SUGCT: variants seen among roughly 807,000 people sequenced by gnomAD.
SUGCT encodes the protein succinyl-CoA:glutarate CoA-transferase.
A neutral mutation model predicts 55.0 loss-of-function variants in SUGCT; 41 were observed. That is an observed-to-expected ratio of 0.74 (90% confidence interval 0.58 to 0.97). The LOEUF (loss-of-function observed/expected upper bound fraction) is 0.97. SUGCT is among the 50% of genes least tolerant of loss of function. The probability of loss-of-function intolerance (pLI) is 0.00; values close to 1 mark genes in which losing one functional copy is unlikely to be tolerated. For synonymous variants in SUGCT, 187 were observed against 200.4 expected, an observed-to-expected ratio of 0.93 and a Z score of 0.56; for missense variants, 568 against 547.8, an observed-to-expected ratio of 1.04 and a Z score of -0.37.
chr7:40,353,585 A>G (rs1301103697), intron 9 of SUGCT, among the ~76,000 whole-genome samples: 3 of 152,204 alleles, frequency 2.0e-5, no homozygotes, highest in Non-Finnish European at 4.4e-5. Flanking sequence ...GTGTTGAAGC[A>G]AAACTAATAC....
chr7:40,619,490 A>T (rs1312351487), intron 12 of SUGCT, among the ~76,000 whole-genome samples: 3 of 152,192 alleles, frequency 2.0e-5, no homozygotes, highest in Non-Finnish European at 4.4e-5. Flanking sequence ...AATCTAAATG[A>T]AGCAAATAAT....
At chr7:40,907,977 C>T in the SUGCT span, among the ~76,000 whole-genome samples, 7 of 150,246 alleles carry the variant, frequency 4.7e-5, no homozygotes, top group East Asian at 1.4e-3. Context: ...AAGTAATTAT[C>T]TAGTTTTTTT....
intron 12 of SUGCT, among the ~76,000 whole-genome samples, chr7:40,691,392 C>G (rs1784693942): frequency 6.6e-6 from 1 of 151,720 alleles, no homozygotes; most frequent in South Asian, 2.1e-4. Flanking sequence ...AGCCATATTT[C>G]TTACTGATCA....
At chr7:40,720,177 T>A (rs1202718339) in intron 12 of SUGCT, among the ~76,000 whole-genome samples, 3 of 152,092 alleles carry the variant, frequency 2.0e-5, no homozygotes, top group Non-Finnish European at 1.5e-5. Context: ...CTCATGTGAT[T>A]TTAGAGTCAC....
At chr7:40,300,935 C>G (rs1314387306) in intron 8 of SUGCT, among the ~76,000 whole-genome samples, 1 of 152,116 alleles carries the variant, frequency 6.6e-6, no homozygotes, top group Non-Finnish European at 1.5e-5. Flanking sequence ...CATAAAATGG[C>G]AGTTATATTT....
intron 9 of SUGCT, among the ~76,000 whole-genome samples, chr7:40,407,000 T>G (rs1786405809): frequency 6.6e-6 from 1 of 152,088 alleles, no homozygotes; most frequent in Non-Finnish European, 1.5e-5. Context: ...GAAAACAAGT[T>G]TCGAAATAAA....
At chr7:40,570,217 TG>T (rs753295205) in intron 12 of SUGCT, among the ~76,000 whole-genome samples, 1 of 152,244 alleles carries the variant, frequency 6.6e-6, no homozygotes, top group Non-Finnish European at 1.5e-5. Flanking sequence ...TGCTTGTTAG[TG>T]AGAACATACT....
At chr7:40,252,912 G>A (rs983905013) in intron 7 of SUGCT, among the ~76,000 whole-genome samples, 1 of 152,198 alleles carries the variant, frequency 6.6e-6, no homozygotes, top group African/African-American at 2.4e-5. Flanking sequence ...CTCCTAAAGT[G>A]CTGGGATTAC....
the SUGCT span, among the ~76,000 whole-genome samples, chr7:40,893,117 T>C: frequency 2.0e-5 from 3 of 152,122 alleles, no homozygotes; most frequent in East Asian, 5.8e-4. Flanking sequence ...GGTCAATTCA[T>C]CAAGAAGACA....
intron 9 of SUGCT, among the ~76,000 whole-genome samples, chr7:40,360,972 C>G (rs1798123388): frequency 6.6e-6 from 1 of 152,068 alleles, no homozygotes. Context: ...CAAACAGGTT[C>G]AAGATCTATT....
chr7:40,895,944 A>T, the SUGCT span, among the ~76,000 whole-genome samples: 1 of 152,184 alleles, frequency 6.6e-6, no homozygotes, highest in Admixed American at 6.5e-5. Flanking sequence ...TGGAATTGAG[A>T]TATAGCTGTC....
chr7:41,015,853 G>A, the SUGCT span, among the ~76,000 whole-genome samples: 8 of 152,218 alleles, frequency 5.3e-5, no homozygotes, highest in Admixed American at 5.2e-4. Context: ...CCTTCCTTCA[G>A]TGCCAAGCGT....
chr7:41,009,313 T>C, the SUGCT span, among the ~76,000 whole-genome samples: 1 of 151,820 alleles, frequency 6.6e-6, no homozygotes. Context: ...ATTCTCAAAA[T>C]GATTTTTATA....
At chr7:40,439,070 A>ATATG (rs1554338605) in intron 9 of SUGCT, among the ~76,000 whole-genome samples, 1 of 52,480 alleles carries the variant, frequency 1.9e-5, no homozygotes, top group African/African-American at 9.0e-5. Context: ...TGGTGTATAT[A>ATATG]TATATATATA....
At chr7:40,509,116 T>G (rs1792783012) in intron 12 of SUGCT, among the ~76,000 whole-genome samples, 1 of 152,138 alleles carries the variant, frequency 6.6e-6, no homozygotes, top group African/African-American at 2.4e-5. Flanking sequence ...AGTCCGTTGA[T>G]TTCTAGTATC....
intron 5 of SUGCT, among the ~76,000 whole-genome samples, chr7:40,193,280 GTTTTTT>G (rs752659107): frequency 4.6e-5 from 4 of 87,144 alleles, no homozygotes; most frequent in African/African-American, 1.9e-4. Context: ...CAATTACTGT[GTTTTTT>G]TTTTTTTTTT....
chr7:40,265,393 A>G (rs530608660), intron 7 of SUGCT, among the ~76,000 whole-genome samples: 1 of 152,256 alleles, frequency 6.6e-6, no homozygotes, highest in South Asian at 2.1e-4. Flanking sequence ...GCTTCAATGC[A>G]CTTTTTAACA....
At chr7:40,328,880 C>A (rs1202983058) in intron 9 of SUGCT, among the ~76,000 whole-genome samples, 2 of 152,068 alleles carry the variant, frequency 1.3e-5, no homozygotes, top group Admixed American at 6.6e-5. Context: ...CAAATCTACC[C>A]AAGGTGGAGG....
chr7:40,825,877 T>C (rs1792287787), intron 13 of SUGCT, among the ~76,000 whole-genome samples: 1 of 152,238 alleles, frequency 6.6e-6, no homozygotes, highest in Non-Finnish European at 1.5e-5. Flanking sequence ...TAGGAATACC[T>C]ACATGCCCGT....
Sources: allele counts gnomAD v4.1 joint callset (sites outside exome capture counted in the v4.1 genomes callset), GRCh38; gene constraint gnomAD v4.1.1; transcripts MANE v1.5; gene names NCBI Gene and HGNC (gene_info 2026-07-23, HGNC 2026-07-21).